Variants in TLL2 observed in about 807,000 individuals in gnomAD.
TLL2 encodes the protein tolloid-like protein 2.
In TLL2, 106 loss-of-function variants were observed where a neutral mutation model predicts 123.0. The observed-to-expected ratio is 0.86, with a 90% CI of 0.74 to 1.01. The LOEUF (loss-of-function observed/expected upper bound fraction) is 1.01. Ranked by LOEUF, TLL2 falls within the 50% of genes least tolerant of loss-of-function variation. TLL2 has a pLI of 0.00. For synonymous variants in TLL2, 494 were observed against 516.8 expected, an observed-to-expected ratio of 0.96 and a Z score of 0.60; for missense variants, 1,332 against 1,336.7, an observed-to-expected ratio of 1.00 and a Z score of 0.06.
rs2134047663 is a variant in TLL2 at position 96,367,120 on chromosome 10, A to T, written c.*968T>A. On this transcript the variant is annotated 3_prime_UTR_variant, in exon 21 of 21. Coordinates refer to ENST00000357947, the MANE Select transcript of TLL2 (RefSeq NM_012465.4). ...AACTTATAATTAACCAGTCTTCAAC[A>T]GTGTTCACCCCATAAGGGACCTGAA... The T allele has an allele frequency of 6.6e-6, 1 of 152,392 alleles. No individual in the cohort carries two copies. Among genetic ancestry groups the T allele is most frequent in the East Asian group, 1.9e-4 (1 of 5,188 alleles). The allele number at this position is 152,392 out of a possible 1,614,324, so 9.4% of individuals were successfully genotyped here. A position where few individuals can be genotyped will look rare whatever the true frequency, so the allele number is the denominator to read the frequency against.
chr10:96,439,808 C>G (rs2134084446), intron 3 of TLL2, among the ~76,000 whole-genome samples: 1 of 152,300 alleles, frequency 6.6e-6, no homozygotes, highest in Middle Eastern at 3.4e-3. Flanking sequence ...CATACACTTG[C>G]AGTGCTGGGA....
At position 96,421,857 on chromosome 10, in the gene TLL2, CAAAA is replaced by C. The variant is rs557241339; in HGVS notation, c.817+688_817+691del. On this transcript the variant is annotated intron_variant, in intron 6 of 20. Transcript: ENST00000357947. ...TGTCTCAAAAAACAAACAAAAAAAA[CAAAA>C]CAAACAAACAAAAACCTGATCTTGC... 2.5e-3 allele frequency among the ~76,000 whole-genome samples: 386 copies of C among 151,916 alleles called. 2 individuals carry two copies. Among genetic ancestry groups the C allele is most frequent in the African/African-American group, 8.9e-3 (369 of 41,428 alleles).
Position 96,513,519 on chromosome 10 carries a change from C to A in TLL2, c.167G>T (p.Cys56Phe). ...EQQLEHYHDP[C>F]KAAVFWGDIA... ...CCAGCGGCGGCACCTACCGGCTTTG[C>A]AAGGGTCGTGGTAATGCTCCAGCTG... The change falls in exon 1 of 21, where the codon TGC becomes TTC. Residue 56 changes from cysteine (C) to phenylalanine (F), a missense_variant. Physicochemically the swap from Cys to Phe is radical, Grantham distance 205. Coordinates refer to ENST00000357947, the MANE Select transcript of TLL2 (RefSeq NM_012465.4). The A allele has an allele frequency of 6.2e-7, 1 of 1,612,522 alleles. No individual in the cohort carries two copies. The highest frequency in any genetic ancestry group is 8.5e-7 in the Non-Finnish European group (1 of 1,179,670).
At chr10:96,401,195 C>T (rs896393139) in intron 10 of TLL2, among the ~76,000 whole-genome samples, 1 of 152,250 alleles carries the variant, frequency 6.6e-6, no homozygotes, top group Non-Finnish European at 1.5e-5. Context: ...AAAAGTTATG[C>T]GTCCATTATG....
rs186249440 is a variant in TLL2, at chr10:96,436,774, C to T, written c.365-3812G>A. 3.9e-3 allele frequency among the ~76,000 whole-genome samples: 599 copies of T among 152,074 alleles called. 2 individuals carry two copies. The highest frequency in any genetic ancestry group is 0.011 in the African/African-American group (470 of 41,484). On this transcript the variant is annotated intron_variant, in intron 3 of 20. Coordinates refer to ENST00000357947, the MANE Select transcript of TLL2 (RefSeq NM_012465.4). The stretch of plus-strand genomic sequence containing the variant: ...GATCTCAGCTCACTGCAACCTCTGC[C>T]TCCTGGGTTCAAGCCATCCTCCCCC...
intron 17 of TLL2, among the ~76,000 whole-genome samples, chr10:96,377,964 C>T (rs1437652343): frequency 6.6e-6 from 1 of 152,230 alleles, no homozygotes; most frequent in Non-Finnish European, 1.5e-5. Flanking sequence ...TCCCACACTG[C>T]AGGAGGCAAG....
chr10:96,459,686 AAAAAAAAAAAAAAAAAAAAAT>A (rs1847054715), intron 2 of TLL2, among the ~76,000 whole-genome samples: 2 of 57,012 alleles, frequency 3.5e-5, no homozygotes, highest in Non-Finnish European at 6.9e-5. Flanking sequence ...AAAAAAAAAA[AAAAAAAAAAAAAAAAAAAAAT>A]ATATATATAT....
chr10:96,513,369 G>A (rs1847650548), intron 1 of TLL2, 142 bp downstream of exon 1: 1 of 1,051,486 alleles, frequency 9.5e-7, no homozygotes, highest in East Asian at 2.8e-5. Context: ...ATTCCTCGGA[G>A]GCATTGTCTT....
In TLL2 at chr10:96,432,672, G is replaced by A. The variant is rs542745645; in HGVS notation, c.520+135C>T. The stretch of plus-strand genomic sequence containing the variant: ...GTGGGCCAGGACTTGCCGGCAAGAG[G>A]GGGGCATCATCTGTAGGCCTGCTGT... On this transcript the variant is annotated intron_variant, in intron 4 of 20. Transcript: ENST00000357947. 2.7e-5 allele frequency: 30 copies of A among 1,121,994 alleles called. No homozygotes were observed. In the African/African-American group the frequency reaches 4.4e-4, roughly 16 times the overall value. The allele number at this position is 1,121,994 out of a possible 1,614,324, so 69.5% of individuals were successfully genotyped here.
intron 3 of TLL2, among the ~76,000 whole-genome samples, chr10:96,433,305 G>A (rs1162711420): frequency 6.6e-6 from 1 of 152,118 alleles, no homozygotes; most frequent in Non-Finnish European, 1.5e-5. Flanking sequence ...CAAGCATTTG[G>A]GGAACAAACT....
At position 96,366,943 on chromosome 10, in the gene TLL2, AG is replaced by A. The variant is rs1212919400; in HGVS notation, c.*1144del. ...TAAACATCATCCTCTACACTTCTCT[AG>A]AACAAGTGCCAAGTGTTATGAATTC... On this transcript the variant is annotated 3_prime_UTR_variant, in exon 21 of 21. Coordinates refer to ENST00000357947, the MANE Select transcript of TLL2 (RefSeq NM_012465.4). 1 of 152,648 alleles carries A rather than the reference AG, an allele frequency of 6.6e-6. No homozygotes were observed. Among genetic ancestry groups the A allele is most frequent in the South Asian group, 2.1e-4 (1 of 4,824 alleles). The allele number at this position is 152,648 out of a possible 1,614,324, so 9.5% of individuals were successfully genotyped here.
At chr10:96,470,123 C>T (rs538424816) in intron 2 of TLL2, among the ~76,000 whole-genome samples, 113 of 152,248 alleles carry the variant, frequency 7.4e-4, no homozygotes, top group African/African-American at 2.5e-3. Context: ...TACAAAGGGC[C>T]CTGTAAAGAG....
chr10:96,412,821 C>T (rs1846519638), intron 8 of TLL2, among the ~76,000 whole-genome samples: 1 of 152,192 alleles, frequency 6.6e-6, no homozygotes, highest in Admixed American at 6.5e-5. Context: ...TTTTCCCAAA[C>T]CCACATCCCC....
At chr10:96,457,598 C>G (rs1293364485) in intron 2 of TLL2, among the ~76,000 whole-genome samples, 1 of 152,132 alleles carries the variant, frequency 6.6e-6, no homozygotes, top group Non-Finnish European at 1.5e-5. Context: ...CTTAAGGGGC[C>G]TCTCGTTCAT....
At chr10:96,504,532 C>T (rs1847560928) in intron 1 of TLL2, among the ~76,000 whole-genome samples, 1 of 152,120 alleles carries the variant, frequency 6.6e-6, no homozygotes, top group Non-Finnish European at 1.5e-5. Flanking sequence ...ATCACTTGAA[C>T]CCAGGAGGCA....
intron 6 of TLL2, among the ~76,000 whole-genome samples, chr10:96,421,357 T>A (rs1846619102): frequency 6.6e-6 from 1 of 151,852 alleles, no homozygotes; most frequent in Admixed American, 6.6e-5. Flanking sequence ...CCGCAAAAAA[T>A]AAAAAATAAA....
chr10:96,474,417 A>G (rs552892415), intron 2 of TLL2, among the ~76,000 whole-genome samples: 1 of 152,334 alleles, frequency 6.6e-6, no homozygotes, highest in South Asian at 2.1e-4. Context: ...GCAGCTGGGT[A>G]GAGATGGATA....
At chr10:96,443,991 A>G (rs1846872524) in intron 3 of TLL2, among the ~76,000 whole-genome samples, 1 of 152,252 alleles carries the variant, frequency 6.6e-6, no homozygotes, top group African/African-American at 2.4e-5. Context: ...GAAGATCAGC[A>G]ACCCAATAGG....
chr10:96,394,073 T>C (rs1281024200), intron 13 of TLL2, among the ~76,000 whole-genome samples: 2 of 152,138 alleles, frequency 1.3e-5, no homozygotes, highest in African/African-American at 4.8e-5. Context: ...ACCCAGGCTG[T>C]TCACGTAGAA....
Sources: allele counts gnomAD v4.1 joint callset (sites outside exome capture counted in the v4.1 genomes callset), GRCh38; gene constraint gnomAD v4.1.1; transcripts MANE v1.5; gene names NCBI Gene and HGNC (gene_info 2026-07-23, HGNC 2026-07-21).